Variants in ZNF430 observed in about 807,000 individuals in gnomAD.
ZNF430 encodes zinc finger protein 430.
Under a neutral mutation model 56.7 loss-of-function variants are expected in ZNF430, and 35 were observed. The ratio of observed to expected loss-of-function variants is 0.62; its 90% confidence interval spans 0.47 to 0.82. The LOEUF is 0.82. Ranked by LOEUF, ZNF430 falls within the 40% of genes least tolerant of loss-of-function variation. The pLI is 0.00. For missense variants in ZNF430, 574 were observed against 661.0 expected, an observed-to-expected ratio of 0.87 and a Z score of 1.44; for synonymous variants, 212 against 224.3, an observed-to-expected ratio of 0.94 and a Z score of 0.49.
At chr19:21,048,909 A>C (rs936112569) in intron 4 of ZNF430, among the ~76,000 whole-genome samples, 1 of 152,200 alleles carries the variant, frequency 6.6e-6, no homozygotes, top group Admixed American at 6.5e-5. Context: ...AAGTTAAAAA[A>C]ATAAGGCCAA....
At chr19:21,028,154 A>G (rs1967837592) in intron 2 of ZNF430, among the ~76,000 whole-genome samples, 1 of 152,196 alleles carries the variant, frequency 6.6e-6, no homozygotes, top group Non-Finnish European at 1.5e-5. Context: ...GAAAACCAAC[A>G]GGAGGCATTT....
At chr19:21,035,038 G>A (rs982013054) in intron 4 of ZNF430, 1 of 151,990 alleles carries the variant, frequency 6.6e-6, no homozygotes, top group South Asian at 2.1e-4. Flanking sequence ...GATTGCTTTG[G>A]CTATTTGAAG....
intron 4 of ZNF430, among the ~76,000 whole-genome samples, chr19:21,053,184 T>C (rs1474027681): frequency 6.6e-6 from 1 of 150,928 alleles, no homozygotes; most frequent in African/African-American, 2.4e-5. Flanking sequence ...AATTTTTTGG[T>C]GGGGTGGAGG....
In ZNF430 at chr19:21,020,659, CCCT is replaced by C. The variant is rs369371604; in HGVS notation, c.-140_-138del. The C allele has an allele frequency of 1.5e-3, 1,920 of 1,279,118 alleles. 27 individuals carry two copies. The African/African-American group carries it at 0.026, about 18-fold the overall frequency. 79.2% of individuals were successfully genotyped at this position (1,279,118 alleles called of 1,614,324 possible). On this transcript the variant is annotated 5_prime_UTR_variant, in exon 1 of 5. Transcript: ENST00000261560. ...CTTCCGGGTTTGGCGGGGCCTTTGT[CCCT>C]CGCTGTGGCCTGAGCTCCAGGTCTC...
At chr19:21,029,963 A>G (rs1967871187) in intron 2 of ZNF430, among the ~76,000 whole-genome samples, 1 of 139,200 alleles carries the variant, frequency 7.2e-6, no homozygotes. Flanking sequence ...GACTCCATCT[A>G]AAAAAAAAAA....
intron 4 of ZNF430, among the ~76,000 whole-genome samples, chr19:21,055,414 TTGTG>T (rs1239509268): frequency 6.6e-6 from 1 of 151,784 alleles, no homozygotes; most frequent in Non-Finnish European, 1.5e-5. Flanking sequence ...TTAAAAGAGT[TTGTG>T]TTTCTTCTTT....
At chr19:21,027,346 A>T (rs1967822711) in intron 2 of ZNF430, among the ~76,000 whole-genome samples, 1 of 152,130 alleles carries the variant, frequency 6.6e-6, no homozygotes, top group African/African-American at 2.4e-5. Context: ...TAAGGGTTTT[A>T]AACATGAAAA....
intron 4 of ZNF430, 129 bp from the exon 5 acceptor site, chr19:21,056,502 A>AG (rs1268766683): frequency 1.7e-4 from 108 of 651,212 alleles, no homozygotes; most frequent in Admixed American, 7.9e-4. Context: ...AAAAAAAAAA[A>AG]TTAGGGCCTT....
chr19:21,022,223 C>T (rs939193434), intron 1 of ZNF430, among the ~76,000 whole-genome samples: 9 of 152,070 alleles, frequency 5.9e-5, no homozygotes, highest in Admixed American at 1.3e-4. Flanking sequence ...TCACACTCCA[C>T]GGGGAACTGA....
At chr19:21,024,242 C>T (rs2144748018) in intron 2 of ZNF430, among the ~76,000 whole-genome samples, 1 of 152,200 alleles carries the variant, frequency 6.6e-6, no homozygotes, top group East Asian at 1.9e-4. Flanking sequence ...GGTGGGGACC[C>T]ACAGGCAGAT....
At chr19:21,024,737 G>A (rs191170925) in intron 2 of ZNF430, among the ~76,000 whole-genome samples, 9 of 151,584 alleles carry the variant, frequency 5.9e-5, no homozygotes, top group East Asian at 1.9e-4. Context: ...CCTAGATCGC[G>A]CCACTGCACT....
chr19:21,034,072 T>A lies in ZNF430; in HGVS notation c.224-14T>A, dbSNP rs375107753. The A allele has an allele frequency of 6.3e-6, 10 of 1,599,964 alleles. No individual in the cohort carries two copies. The highest frequency in any genetic ancestry group is 8.6e-6 in the Non-Finnish European group (10 of 1,167,370). The stretch of plus-strand genomic sequence containing the variant: ...GAATATGAGAAAGATTCATGTTATT[T>A]ATTTTCAATAAAGCAGGTATTGCTG... On this transcript the variant is annotated splice_polypyrimidine_tract_variant and intron_variant, in intron 3 of 4. Transcript: ENST00000261560.
At chr19:21,022,981 A>T in intron 2 of ZNF430, 100 bp downstream of exon 2, 1 of 875,976 alleles carries the variant, frequency 1.1e-6, no homozygotes, top group Non-Finnish European at 1.9e-6. Context: ...ATTGAGGGGA[A>T]AACAAATAAT....
At chr19:21,055,972 G>A (rs2144792561) in intron 4 of ZNF430, among the ~76,000 whole-genome samples, 1 of 152,286 alleles carries the variant, frequency 6.6e-6, no homozygotes, top group Non-Finnish European at 1.5e-5. Context: ...GTATGTGGCA[G>A]TATTTTAATT....
At chr19:21,040,008 TTGA>T (rs1462032118) in intron 4 of ZNF430, among the ~76,000 whole-genome samples, 1 of 152,130 alleles carries the variant, frequency 6.6e-6, no homozygotes, top group African/African-American at 2.4e-5. Context: ...CGCTAATTTT[TTGA>T]TTTTTTTGTA....
chr19:21,047,779 C>G (rs1228026894), intron 4 of ZNF430, among the ~76,000 whole-genome samples: 3 of 152,166 alleles, frequency 2.0e-5, no homozygotes, highest in Non-Finnish European at 4.4e-5. Context: ...TATAAGTTGT[C>G]TGACGATGTC....
chr19:21,028,843 G>C (rs889252149), intron 2 of ZNF430, among the ~76,000 whole-genome samples: 2 of 152,098 alleles, frequency 1.3e-5, no homozygotes, highest in Non-Finnish European at 2.9e-5. Flanking sequence ...TTGCCACCAT[G>C]CCTGGCTAAT....
chr19:21,027,802 CT>C (rs1967831324), intron 2 of ZNF430, among the ~76,000 whole-genome samples: 1 of 152,006 alleles, frequency 6.6e-6, no homozygotes, highest in Admixed American at 6.6e-5. Context: ...CTATTTCTTA[CT>C]AATTCAATTT....
Position 21,025,660 on chromosome 19 carries a change from C to T in ZNF430, c.96+2779C>T, listed in dbSNP as rs185168973. 2.2e-4 allele frequency among the ~76,000 whole-genome samples: 34 copies of T among 152,144 alleles called. No homozygotes were observed. The East Asian group carries it at 6.4e-3, about 29-fold the overall frequency. ...GGAGTGCAACGGCATCATCTCGGCTCACTGCAACCTCCACCTACCAGGTTC... is the reference window on the plus strand; with the variant it reads ...GGAGTGCAACGGCATCATCTCGGCTTACTGCAACCTCCACCTACCAGGTTC... On this transcript the variant is annotated intron_variant, in intron 2 of 4. Transcript: ENST00000261560.
Sources: gnomAD v4.1 joint callset for allele counts (sites outside exome capture counted in the v4.1 genomes callset) on GRCh38, gnomAD v4.1.1 for gene constraint, MANE v1.5 for transcripts, NCBI Gene and HGNC (gene_info 2026-07-23, HGNC 2026-07-21) for gene names.